Variants in OSR2 observed in about 807,000 individuals in gnomAD.
OSR2 encodes the protein protein odd-skipped-related 2.
OSR2 carries 8 observed loss-of-function variants against 22.3 expected under a neutral mutation model. The ratio of observed to expected loss-of-function variants is 0.36; its 90% CI spans 0.21 to 0.65. OSR2 has a LOEUF of 0.65. OSR2 is among the 30% of genes least tolerant of loss of function. OSR2 has a pLI of 0.66. For missense variants in OSR2, 311 were observed against 413.4 expected (o/e 0.75, Z 2.15); for synonymous variants, 179 against 173.8 (o/e 1.03, Z -0.23).
chr8:98,945,871 C>T (rs1840599305), intron 1 of OSR2, among the ~76,000 whole-genome samples: 1 of 152,154 alleles, frequency 6.6e-6, no homozygotes, highest in African/African-American at 2.4e-5. Context: ...CCTACCTATC[C>T]GACCATCAGT....
Position 98,948,997 on chromosome 8 carries a change from G to A in OSR2, c.45G>A (p.Ser15=), listed in dbSNP as rs749889585. 109 of 1,613,818 alleles carry A rather than the reference G, an allele frequency of 6.8e-5. No homozygotes were observed. Among genetic ancestry groups the A allele is most frequent in the Non-Finnish European group, 8.9e-5 (105 of 1,179,910 alleles). ...CAGCGCCCATCCCGCTCCACCCGTC[G>A]CTGCAGCTCACCAATTACTCCTTCC... is the stretch of plus-strand genomic sequence containing the variant. The part of the protein sequence containing the change: ...ALPAPIPLHP[S]LQLTNYSFLQ... The change falls in exon 2 of 4, where the codon TCG becomes TCA. Residue 15 remains serine, a synonymous_variant. Coordinates refer to ENST00000297565, the MANE Select transcript of OSR2 (RefSeq NM_001142462.3). The surrounding 1 kb of genome is among the most constrained non-coding windows in gnomAD (Gnocchi z 6.0).
In OSR2 at chr8:98,948,188, G is replaced by A. The variant is rs1840665860; in HGVS notation, c.-114-651G>A. The A allele has an allele frequency of 1.4e-6, 2 of 1,414,682 alleles. No homozygotes were observed. Among genetic ancestry groups the A allele is most frequent in the Non-Finnish European group, 1.8e-6 (2 of 1,087,618 alleles). 87.6% of individuals were successfully genotyped at this position (1,414,682 alleles called of 1,614,324 possible). ...CCGCTGATAGATGGGGCTGAGGGCA[G>A]AGGAAGGAAAAAGAAAACCTCCGAG... On this transcript the variant is annotated intron_variant, in intron 1 of 3. Transcript: ENST00000297565. This position sits in a 1 kb window ranked among gnomAD's most constrained non-coding sequence, Gnocchi z 6.0.
chr8:98,949,360 G>A lies in OSR2; in HGVS notation c.408G>A (p.Leu136=), dbSNP rs773860326. 6.2e-7 allele frequency: 1 copy of A among 1,612,846 alleles called. No individual in the cohort carries two copies. Among genetic ancestry groups the A allele is most frequent in the South Asian group, 1.1e-5 (1 of 90,892 alleles). Residue 136 remains leucine (L), a synonymous_variant, in exon 2 of 4, where the codon CTG becomes CTA. Coordinates refer to ENST00000297565, the MANE Select transcript of OSR2 (RefSeq NM_001142462.3). The surrounding 1 kb of genome is among the most constrained non-coding windows in gnomAD (Gnocchi z 5.9). ...TQEDPPKMGD[L]SKLSPGLGSP... ...AGGATCCGCCTAAGATGGGAGACCT[G>A]AGCAAGCTGAGCCCAGGACTGGGTA...
chr8:98,948,373 T>A lies in OSR2; in HGVS notation c.-114-466T>A. 1 of 1,496,624 alleles carries A rather than the reference T, an allele frequency of 6.7e-7. No individual in the cohort carries two copies. Among genetic ancestry groups the A allele is most frequent in the South Asian group, 1.2e-5 (1 of 80,106 alleles). 92.7% of individuals were successfully genotyped at this position (1,496,624 alleles called of 1,614,324 possible). Reference sequence around the variant, plus strand: ...GCAGCGCGTGGGATCTCACGACCCATCCGTTAACCCACCGTTCCCAGGAGC... The same window carrying A: ...GCAGCGCGTGGGATCTCACGACCCAACCGTTAACCCACCGTTCCCAGGAGC... On this transcript the variant is annotated intron_variant, in intron 1 of 3. Transcript: ENST00000297565. The surrounding 1 kb of genome is among the most constrained non-coding windows in gnomAD (Gnocchi z 6.0).
chr8:98,947,161 G>A (rs776105957), intron 1 of OSR2, among the ~76,000 whole-genome samples: 1 of 151,418 alleles, frequency 6.6e-6, no homozygotes, highest in Non-Finnish European at 1.5e-5. Context: ...CCCTCTGACT[G>A]TTACCCACCT....
Position 98,949,200 on chromosome 8 carries a change from T to C in OSR2, c.248T>C (p.Phe83Ser). The change falls in exon 2 of 4, where the codon TTC becomes TCC. Residue 83 changes from phenylalanine to serine, a missense_variant. By Grantham distance (155) the Phe-to-Ser change is radical. Coordinates refer to ENST00000297565, the MANE Select transcript of OSR2 (RefSeq NM_001142462.3). This position sits in a 1 kb window ranked among gnomAD's most constrained non-coding sequence, Gnocchi z 5.9. ...AAAQGLVDAR[F>S]PFPALPFTTH... is the part of the protein sequence containing the mutation. Reference sequence around the variant, plus strand: ...GCGCAGGGCCTCGTGGACGCGCGCTTCCCCTTCCCGGCCCTGCCTTTTACC... The same window carrying C: ...GCGCAGGGCCTCGTGGACGCGCGCTCCCCCTTCCCGGCCCTGCCTTTTACC... The C allele has an allele frequency of 6.3e-7, 1 of 1,591,902 alleles. No homozygotes were observed. Among genetic ancestry groups the C allele is most frequent in the South Asian group, 1.1e-5 (1 of 87,374 alleles).
Position 98,948,644 on chromosome 8 carries a change from TG to T in OSR2, c.-114-193del. 1 of 965,818 alleles carries T rather than the reference TG, an allele frequency of 1.0e-6. No individual in the cohort carries two copies. The highest frequency in any genetic ancestry group is 1.5e-6 in the Non-Finnish European group (1 of 674,126). The allele number at this position is 965,818 out of a possible 1,614,324, so 59.8% of individuals were successfully genotyped here. A position where few individuals can be genotyped will look rare whatever the true frequency, so the allele number is the denominator to read the frequency against. On this transcript the variant is annotated intron_variant, in intron 1 of 3. Coordinates refer to ENST00000297565, the MANE Select transcript of OSR2 (RefSeq NM_001142462.3). This position sits in a 1 kb window ranked among gnomAD's most constrained non-coding sequence, Gnocchi z 6.0. ...CTCGCCAGTGGAGCACTTCTTGTTCTGGCCCCGGGCTGATCTGCACGCGGAC... is the reference window on the plus strand; with the variant it reads ...CTCGCCAGTGGAGCACTTCTTGTTCTGCCCCGGGCTGATCTGCACGCGGAC...
Position 98,944,549 on chromosome 8 carries a change from AGG to A in OSR2, c.-388_-387del. 6.6e-6 allele frequency: 1 copy of A among 152,230 alleles called. No individual in the cohort carries two copies. Among genetic ancestry groups the A allele is most frequent in the Non-Finnish European group, 1.5e-5 (1 of 68,082 alleles). 9.4% of individuals were successfully genotyped at this position (152,230 alleles called of 1,614,324 possible). ...GACCTCACCGGGAGTCGACAGCGAG[AGG>A]TTCGCCGAAGAGCGAGGTTCTGGGC... On this transcript the variant is annotated 5_prime_UTR_variant, in exon 1 of 4. An upstream open reading frame in the 5' UTR loses its in-frame stop. Coordinates refer to ENST00000297565, the MANE Select transcript of OSR2 (RefSeq NM_001142462.3).
At chr8:98,950,994 A>T (rs1163256384) in intron 3 of OSR2, 5 of 594,200 alleles carry the variant, frequency 8.4e-6, no homozygotes, top group South Asian at 4.4e-5. Flanking sequence ...TAATTTTAGA[A>T]TTTTTTTCAT....
intron 1 of OSR2, among the ~76,000 whole-genome samples, chr8:98,947,933 C>G (rs1840659406): frequency 6.6e-6 from 1 of 152,212 alleles, no homozygotes; most frequent in Admixed American, 6.5e-5. Context: ...TCCTCGGTGC[C>G]AGGCCGGGAA....
chr8:98,950,402 C>T (rs1220598882), intron 2 of OSR2, among the ~76,000 whole-genome samples: 1 of 151,958 alleles, frequency 6.6e-6, no homozygotes, highest in African/African-American at 2.4e-5. Context: ...GCCCGTTCAG[C>T]GGGGTTTCGA....
intron 3 of OSR2, 88 bp from the exon 4 acceptor site, chr8:98,951,431 C>A: frequency 7.9e-7 from 1 of 1,263,846 alleles, no homozygotes; most frequent in South Asian, 1.5e-5. Context: ...TATGTTAACG[C>A]TTGTGATAAC....
intron 2 of OSR2, 124 bp from the exon 3 acceptor site, chr8:98,950,532 C>T (rs1840752013): frequency 6.1e-6 from 4 of 654,958 alleles, no homozygotes; most frequent in African/African-American, 3.7e-5. Flanking sequence ...AAAAAAAAAT[C>T]TAAAAACGTA....
At position 98,951,603 on chromosome 8, in the gene OSR2, A is replaced by T; in HGVS notation, c.841A>T (p.Ile281Phe). Residue 281 changes from isoleucine to phenylalanine, a missense_variant, in exon 4 of 4, where the codon ATC (isoleucine) becomes TTC (phenylalanine). By Grantham distance (21) the Ile-to-Phe change is conservative. Coordinates refer to ENST00000297565, the MANE Select transcript of OSR2 (RefSeq NM_001142462.3). ...LKTHLLTHTD[I>F]KPYSCEQCGK... Reference sequence around the variant, plus strand: ...AACTCACCTTCTCACCCATACAGACATCAAGCCCTACAGCTGCGAGCAGTG... The same window carrying T: ...AACTCACCTTCTCACCCATACAGACTTCAAGCCCTACAGCTGCGAGCAGTG... 1 of 1,613,962 alleles carries T rather than the reference A, an allele frequency of 6.2e-7. No individual in the cohort carries two copies. The highest frequency in any genetic ancestry group is 2.2e-5 in the East Asian group (1 of 44,882).
intron 3 of OSR2, among the ~76,000 whole-genome samples, 160 bp from the exon 4 acceptor site, chr8:98,951,359 T>C (rs1460442265): frequency 1.3e-5 from 2 of 152,192 alleles, no homozygotes; most frequent in Non-Finnish European, 2.9e-5. Context: ...ATTTTCATGA[T>C]TGGAAGATTA....
intron 1 of OSR2, among the ~76,000 whole-genome samples, chr8:98,946,792 G>T (rs1840624992): frequency 6.6e-6 from 1 of 152,100 alleles, no homozygotes; most frequent in Admixed American, 6.6e-5. Flanking sequence ...ACACCCTGTG[G>T]TGGGAGTTGT....
At chr8:98,950,944 A>AT (rs1479490721) in intron 3 of OSR2, 189 bp downstream of exon 3, 19 of 616,416 alleles carry the variant, frequency 3.1e-5, no homozygotes, top group Non-Finnish European at 5.4e-5. Flanking sequence ...GCATTTTTAT[A>AT]TTTTTCTCAA....
chr8:98,948,545 T>C lies in OSR2; in HGVS notation c.-114-294T>C, dbSNP rs1455347171. 6 of 1,315,738 alleles carry C rather than the reference T, an allele frequency of 4.6e-6. No homozygotes were observed. In the East Asian group the frequency reaches 1.6e-4, roughly 35 times the overall value. The allele number at this position is 1,315,738 out of a possible 1,614,324, so 81.5% of individuals were successfully genotyped here. A position where few individuals can be genotyped will look rare whatever the true frequency, so the allele number is the denominator to read the frequency against. ...CTGCCCGGCTGTCCGCCTTTCGTTT[T>C]CCTGGGACCGAGGAGTCTTCCGCTC... On this transcript the variant is annotated intron_variant, in intron 1 of 3. Coordinates refer to ENST00000297565, the MANE Select transcript of OSR2 (RefSeq NM_001142462.3). This position sits in a 1 kb window ranked among gnomAD's most constrained non-coding sequence, Gnocchi z 6.0.
Position 98,948,662 on chromosome 8 carries a change from C to T in OSR2, c.-114-177C>T, listed in dbSNP as rs1343354210. 8 of 983,418 alleles carry T rather than the reference C, an allele frequency of 8.1e-6. No individual in the cohort carries two copies. The African/African-American group carries it at 1.2e-4, about 14-fold the overall frequency. The allele number at this position is 983,418 out of a possible 1,614,324, so 60.9% of individuals were successfully genotyped here. On this transcript the variant is annotated intron_variant, in intron 1 of 3. Transcript: ENST00000297565. This position sits in a 1 kb window ranked among gnomAD's most constrained non-coding sequence, Gnocchi z 6.0. Reference sequence around the variant, plus strand: ...CTTGTTCTGGCCCCGGGCTGATCTGCACGCGGACTTGAGCAGGTGCCAAGG... The same window carrying T: ...CTTGTTCTGGCCCCGGGCTGATCTGTACGCGGACTTGAGCAGGTGCCAAGG...
Sources: allele counts gnomAD v4.1 joint callset (sites outside exome capture counted in the v4.1 genomes callset), GRCh38; gene constraint gnomAD v4.1.1; non-coding constraint Gnocchi (gnomAD v3.1); transcripts MANE v1.5; gene names NCBI Gene and HGNC (gene_info 2026-07-23, HGNC 2026-07-21).